CNOT2: variants seen among roughly 807,000 people sequenced by gnomAD.
CNOT2 encodes the protein CC chemokine receptor 4-negative regulator of transcription 2.
In CNOT2, 7 loss-of-function variants were observed where a neutral mutation model predicts 72.1. That is an observed-to-expected ratio of 0.10 (90% CI 0.06 to 0.18). The LOEUF (loss-of-function observed/expected upper bound fraction) is 0.18, where lower values mean the gene tolerates loss of function less well. CNOT2 is among the 10% of genes least tolerant of loss of function. The probability of loss-of-function intolerance (pLI) is 1.00; values close to 1 mark genes in which losing one functional copy is unlikely to be tolerated. For missense variants in CNOT2, 345 were observed against 660.3 expected (o/e 0.52, Z 5.23); for synonymous variants, 196 against 225.6 (o/e 0.87, Z 1.17).
rs931572283 is a variant in CNOT2 at position 70,296,297 on chromosome 12, T to C, written c.49-14598T>C. Among the ~76,000 whole-genome samples, 15 of 152,238 alleles carry C rather than the reference T, an allele frequency of 9.9e-5. No individual in the cohort carries two copies. In the South Asian group the frequency reaches 2.3e-3, roughly 23 times the overall value. ...ATTTATCTACTCTCCAAAATAGTGA[T>C]TGTGGAAGTGTTTGTATAGGTCCCT... is the stretch of plus-strand genomic sequence containing the variant. On this transcript the variant is annotated intron_variant, in intron 2 of 15. Coordinates refer to ENST00000229195, the MANE Select transcript of CNOT2 (RefSeq NM_014515.7).
At chr12:70,271,318 A>G (rs1257924879) in intron 1 of CNOT2, among the ~76,000 whole-genome samples, 1 of 151,380 alleles carries the variant, frequency 6.6e-6, no homozygotes, top group Non-Finnish European at 1.5e-5. Context: ...CCTTTCATAA[A>G]TCAATTACTG....
At chr12:70,306,630 T>C (rs1165307697) in intron 2 of CNOT2, among the ~76,000 whole-genome samples, 2 of 152,242 alleles carry the variant, frequency 1.3e-5, no homozygotes, top group Non-Finnish European at 2.9e-5. Context: ...TTAGAAAGTC[T>C]GGTGTGAGTG....
intron 2 of CNOT2, among the ~76,000 whole-genome samples, chr12:70,310,408 T>C (rs1303308491): frequency 6.6e-6 from 1 of 152,060 alleles, no homozygotes; most frequent in Non-Finnish European, 1.5e-5. Context: ...AAAATTCTAG[T>C]ATGCCACTAT....
At chr12:70,309,677 G>T (rs1481151119) in intron 2 of CNOT2, among the ~76,000 whole-genome samples, 1 of 152,034 alleles carries the variant, frequency 6.6e-6, no homozygotes, top group Non-Finnish European at 1.5e-5. Flanking sequence ...CCCCAAAAAT[G>T]TACTTGTGAA....
intron 15 of CNOT2, among the ~76,000 whole-genome samples, chr12:70,349,886 C>T (rs1882659136): frequency 6.6e-6 from 1 of 151,906 alleles, no homozygotes; most frequent in Admixed American, 6.6e-5. Context: ...TATGCTCCTG[C>T]AGTCCTAGCT....
In CNOT2 at chr12:70,329,532, A is replaced by G. The variant is rs765785036; in HGVS notation, c.348A>G (p.Val116=). 13 of 1,611,238 alleles carry G rather than the reference A, an allele frequency of 8.1e-6. No homozygotes were observed. The Admixed American group carries it at 1.7e-4, about 21-fold the overall frequency. ...LPSHVTPTTG[V]PTMSLHTPPS... Reference sequence around the variant, plus strand: ...GCCACGTCACGCCAACAACAGGGGTACCAACAATGTCACTTCACACGCCTC... The same window carrying G: ...GCCACGTCACGCCAACAACAGGGGTGCCAACAATGTCACTTCACACGCCTC... Residue 116 remains valine, a synonymous_variant, in exon 5 of 16, where the codon GTA becomes GTG. Coordinates refer to ENST00000229195, the MANE Select transcript of CNOT2 (RefSeq NM_014515.7).
At chr12:70,314,298 G>A (rs1372715251) in intron 3 of CNOT2, among the ~76,000 whole-genome samples, 1 of 152,036 alleles carries the variant, frequency 6.6e-6, no homozygotes, top group Non-Finnish European at 1.5e-5. Context: ...TCAGCTACCT[G>A]ATTTGCTAGC....
chr12:70,315,264 T>G (rs2135970059), intron 3 of CNOT2, among the ~76,000 whole-genome samples: 1 of 152,254 alleles, frequency 6.6e-6, no homozygotes, highest in South Asian at 2.1e-4. Flanking sequence ...TTTCCAATTT[T>G]AAAGGTTCTT....
At chr12:70,314,629 A>G (rs2135967641) in intron 3 of CNOT2, among the ~76,000 whole-genome samples, 1 of 152,320 alleles carries the variant, frequency 6.6e-6, no homozygotes, top group Admixed American at 6.5e-5. Flanking sequence ...TTTGAGGCTC[A>G]AGTGTTTAAG....
rs529144279 is a variant in CNOT2, at chr12:70,303,412, G to T, written c.49-7483G>T. On this transcript the variant is annotated intron_variant, in intron 2 of 15. Coordinates refer to ENST00000229195, the MANE Select transcript of CNOT2 (RefSeq NM_014515.7). ...CATGAGCTATTTTAGGGCAGGCCTGGTGGTGACAAAATGTCTCAGCATTTG... is the reference window on the plus strand; with the variant it reads ...CATGAGCTATTTTAGGGCAGGCCTGTTGGTGACAAAATGTCTCAGCATTTG... Among the ~76,000 whole-genome samples, 13 of 152,268 alleles carry T rather than the reference G, an allele frequency of 8.5e-5. No individual in the cohort carries two copies. In the South Asian group the frequency reaches 2.5e-3, roughly 29 times the overall value.
At chr12:70,284,095 C>T (rs983284266) in intron 2 of CNOT2, among the ~76,000 whole-genome samples, 1 of 151,796 alleles carries the variant, frequency 6.6e-6, no homozygotes, top group African/African-American at 2.4e-5. Flanking sequence ...GCATGTGCCA[C>T]CATGCCCAGC....
intron 1 of CNOT2, among the ~76,000 whole-genome samples, chr12:70,271,375 CTT>C (rs11285130): frequency 0.022 from 1,997 of 89,516 alleles, 38 homozygotes; most frequent in African/African-American, 0.077. Flanking sequence ...ATCACATTTC[CTT>C]TTTTTTTTTT....
chr12:70,339,393 G>A (rs931985956), intron 11 of CNOT2, among the ~76,000 whole-genome samples: 7 of 151,810 alleles, frequency 4.6e-5, no homozygotes, highest in East Asian at 1.9e-4. Context: ...CCAGATCCCC[G>A]TCTCTTTTCC....
At position 70,278,139 on chromosome 12, in the gene CNOT2, C is replaced by T. The variant is rs1466378852; in HGVS notation, c.-88C>T. The T allele has an allele frequency of 2.9e-5, 24 of 819,510 alleles. No individual in the cohort carries two copies. The highest frequency in any genetic ancestry group is 2.8e-4 in the South Asian group (19 of 67,088). The allele number at this position is 819,510 out of a possible 1,614,324, so 50.8% of individuals were successfully genotyped here. ...TGGATAATTCCACTCTAGAGGGAGA[C>T]GTGGTGGGCGGTCCTTCCTGTGACA... On this transcript the variant is annotated 5_prime_UTR_variant, in exon 2 of 16. In the 5' UTR this introduces an upstream ATG that the reference lacks. Transcript: ENST00000229195.
At chr12:70,324,825 C>T (rs78494461) in intron 4 of CNOT2, among the ~76,000 whole-genome samples, 227 of 151,900 alleles carry the variant, frequency 1.5e-3, no homozygotes, top group African/African-American at 5.4e-3. Context: ...TCATATATCT[C>T]GTCATTCTCT....
At chr12:70,321,137 A>G (rs1878233186) in intron 4 of CNOT2, among the ~76,000 whole-genome samples, 1 of 151,902 alleles carries the variant, frequency 6.6e-6, no homozygotes, top group Admixed American at 6.6e-5. Context: ...TTCCTGTAAC[A>G]TTGGTGAAGC....
At chr12:70,285,004 T>TC (rs1218134372) in intron 2 of CNOT2, among the ~76,000 whole-genome samples, 1 of 151,900 alleles carries the variant, frequency 6.6e-6, no homozygotes, top group Non-Finnish European at 1.5e-5. Flanking sequence ...GCTCTGGTGT[T>TC]CCTTTTGGCA....
At chr12:70,292,401 G>A (rs1308037465) in intron 2 of CNOT2, among the ~76,000 whole-genome samples, 2 of 152,150 alleles carry the variant, frequency 1.3e-5, no homozygotes, top group Non-Finnish European at 1.5e-5. Flanking sequence ...TGTAAGGGGT[G>A]GGGGACAAAG....
intron 2 of CNOT2, among the ~76,000 whole-genome samples, chr12:70,299,163 A>G (rs1873368415): frequency 6.6e-6 from 1 of 152,174 alleles, no homozygotes; most frequent in African/African-American, 2.4e-5. Context: ...GCAAGAGTGA[A>G]TGTGTGCAGG....
Sources: gnomAD v4.1 joint callset for allele counts (sites outside exome capture counted in the v4.1 genomes callset) on GRCh38, gnomAD v4.1.1 for gene constraint, MANE v1.5 for transcripts, NCBI Gene and HGNC (gene_info 2026-07-23, HGNC 2026-07-21) for gene names.